The following PCNT variants were observed in gnomAD, a reference collection of about 807,000 sequenced individuals.
PCNT encodes the protein kendrin.
In PCNT, 319 loss-of-function variants were observed where a neutral mutation model predicts 380.4. The ratio of observed to expected loss-of-function variants is 0.84; its 90% CI spans 0.77 to 0.92. PCNT has a LOEUF of 0.92. PCNT is among the 40% of genes least tolerant of loss of function. The probability of loss-of-function intolerance (pLI) is 0.00; values close to 1 mark genes in which losing one functional copy is unlikely to be tolerated. For synonymous variants in PCNT, 1,845 were observed against 1,735.2 expected (o/e 1.06, Z -1.57); for missense variants, 4,400 against 4,255.3 (o/e 1.03, Z -0.95).
intron 15 of PCNT, among the ~76,000 whole-genome samples, chr21:46,376,778 C>T (rs980895987): frequency 6.6e-6 from 1 of 152,232 alleles, no homozygotes; most frequent in Non-Finnish European, 1.5e-5. Context: ...GTTGGGGTAT[C>T]AGCAAGGTAA....
At chr21:46,411,039 G>T in intron 27 of PCNT, 150 bp from the exon 28 acceptor site, 1 of 804,988 alleles carries the variant, frequency 1.2e-6, no homozygotes, top group Non-Finnish European at 2.1e-6. Context: ...GAGTGCATCC[G>T]GCACCAGCAG....
In PCNT at chr21:46,412,193, C is replaced by T. The variant is rs1160087535; in HGVS notation, c.5994+126C>T. ...GTTGTCATGGTGGCTCATGACACAG[C>T]GGAGAAAGGGGGCCTGAAGCTCGGG... On this transcript the variant is annotated intron_variant, in intron 28 of 46. Coordinates refer to ENST00000359568, the MANE Select transcript of PCNT (RefSeq NM_006031.6). The T allele has an allele frequency of 1.5e-5, 17 of 1,164,174 alleles. No individual in the cohort carries two copies. In the Admixed American group the frequency reaches 2.0e-4, roughly 14 times the overall value. The allele number at this position is 1,164,174 out of a possible 1,614,324, so 72.1% of individuals were successfully genotyped here. A position where few individuals can be genotyped will look rare whatever the true frequency, so the allele number is the denominator to read the frequency against.
At chr21:46,356,859 C>T (rs2084498756) in intron 12 of PCNT, 115 bp from the exon 13 acceptor site, 1 of 849,782 alleles carries the variant, frequency 1.2e-6, no homozygotes, top group Non-Finnish European at 2.0e-6. Context: ...GCTTGAAAAT[C>T]CACAGTGTCT....
At chr21:46,404,478 G>A (rs928006469) in intron 27 of PCNT, among the ~76,000 whole-genome samples, 2 of 152,190 alleles carry the variant, frequency 1.3e-5, no homozygotes, top group Admixed American at 6.5e-5. Context: ...GGTTTACCTC[G>A]GCGAGGTACG....
intron 27 of PCNT, among the ~76,000 whole-genome samples, chr21:46,406,819 T>C (rs913217188): frequency 3.9e-5 from 6 of 152,260 alleles, no homozygotes; most frequent in African/African-American, 1.4e-4. Context: ...GATATTTTTC[T>C]CTTTTATTCT....
In PCNT at chr21:46,335,689, G is replaced by GT. The variant is rs1039930945; in HGVS notation, c.639+937dup. Among the ~76,000 whole-genome samples the GT allele has an allele frequency of 6.8e-3, 961 of 141,834 alleles. 7 individuals are homozygous for GT. Among genetic ancestry groups the GT allele is most frequent in the Admixed American group, 7.9e-3 (111 of 14,020 alleles). The allele number at this position is 141,834 out of a possible 152,430, so 93.0% of individuals were successfully genotyped here. A position where few individuals can be genotyped will look rare whatever the true frequency, so the allele number is the denominator to read the frequency against. ...GTTTGGTTGTTTTTTGGTTTTTGGG[G>GT]TTTTTTTTTTTTTTTTAAATAGAGA... is the stretch of plus-strand genomic sequence containing the variant. On this transcript the variant is annotated intron_variant, in intron 3 of 46. Coordinates refer to ENST00000359568, the MANE Select transcript of PCNT (RefSeq NM_006031.6).
At chr21:46,345,257 G>C (rs1169510505) in intron 3 of PCNT, among the ~76,000 whole-genome samples, 1 of 152,014 alleles carries the variant, frequency 6.6e-6, no homozygotes, top group Admixed American at 6.6e-5. Flanking sequence ...TCGCTCTGTT[G>C]CCCAGGATGG....
At chr21:46,385,795 T>G (rs1222528656) in intron 16 of PCNT, 37 bp from the exon 17 acceptor site, 6 of 1,612,200 alleles carry the variant, frequency 3.7e-6, no homozygotes, top group Non-Finnish European at 5.1e-6. Context: ...TTTAACCAAA[T>G]TGTTTTAACG....
At chr21:46,347,308 A>G in intron 5 of PCNT, 149 bp from the exon 6 acceptor site, 1 of 819,468 alleles carries the variant, frequency 1.2e-6, no homozygotes, top group South Asian at 1.4e-5. Context: ...TTTGTTATTA[A>G]AGCCAAGCAT....
intron 38 of PCNT, among the ~76,000 whole-genome samples, 153 bp from the exon 39 acceptor site, chr21:46,435,751 C>T (rs1468675401): frequency 6.6e-6 from 1 of 151,920 alleles, no homozygotes; most frequent in African/African-American, 2.4e-5. Flanking sequence ...ACTGTGTTGG[C>T]CAGCATGGTC....
At position 46,391,388 on chromosome 21, in the gene PCNT, G is replaced by A. The variant is rs1278937421; in HGVS notation, c.4216+12G>A. ...GGCCAGAGAAGCTGGTAAGGAGCGC[G>A]GGCTGTGGAGGGTGGTGCGAGCTGT... is the stretch of plus-strand genomic sequence containing the variant. On this transcript the variant is annotated intron_variant, in intron 21 of 46. Coordinates refer to ENST00000359568, the MANE Select transcript of PCNT (RefSeq NM_006031.6). 4.5e-6 allele frequency: 7 copies of A among 1,542,662 alleles called. No individual in the cohort carries two copies. Among genetic ancestry groups the A allele is most frequent in the East Asian group, 4.9e-5 (2 of 40,796 alleles).
chr21:46,397,535 G>T (rs1456256267), intron 22 of PCNT, 41 bp downstream of exon 22: 1 of 1,536,152 alleles, frequency 6.5e-7, no homozygotes, highest in Middle Eastern at 1.7e-4. Flanking sequence ...ATCACTAAAA[G>T]TTGCCGTTAC....
chr21:46,411,945 C>G lies in PCNT; in HGVS notation c.5872C>G (p.His1958Asp), dbSNP rs189308172. The G allele has an allele frequency of 2.6e-4, 412 of 1,596,868 alleles. 3 individuals are homozygous for G. In the African/African-American group the frequency reaches 4.8e-3, roughly 19 times the overall value. The part of the protein sequence containing the change: ...DRRQARRATA[H>D]TRVPGAHPQP... ...GCGGCAGGCCCGCAGAGCCACAGCT[C>G]ACACACGGGTGCCCGGGGCCCACCC... The change falls in exon 28 of 47, where the codon CAC becomes GAC. Residue 1958 changes from histidine to aspartate, a missense_variant. Coordinates refer to ENST00000359568, the MANE Select transcript of PCNT (RefSeq NM_006031.6).
In PCNT at chr21:46,363,691, T is replaced by C; in HGVS notation, c.2366T>C (p.Phe789Ser). Residue 789 changes from phenylalanine to serine, a missense_variant, in exon 14 of 47, where the codon TTT becomes TCT. Phe to Ser is a radical substitution (Grantham distance 155, BLOSUM62 -2). Coordinates refer to ENST00000359568, the MANE Select transcript of PCNT (RefSeq NM_006031.6). ...GAGAAACAGACCATCATAAACAAGT[T>C]TGAGCTTCGAGAAGCTGAAATGAGG... ...ESEKQTIINK[F>S]ELREAEMRQL... The C allele has an allele frequency of 6.2e-7, 1 of 1,614,072 alleles. No individual in the cohort carries two copies.
At chr21:46,375,708 C>T (rs760660818) in intron 15 of PCNT, among the ~76,000 whole-genome samples, 7 of 152,154 alleles carry the variant, frequency 4.6e-5, no homozygotes, top group Admixed American at 6.5e-5. Context: ...GGGCACTGGC[C>T]GTCTCACTGC....
At chr21:46,421,443 C>G (rs1306700596) in intron 31 of PCNT, among the ~76,000 whole-genome samples, 1 of 143,262 alleles carries the variant, frequency 7.0e-6, no homozygotes, top group Admixed American at 6.7e-5. Context: ...TGGGATGGAC[C>G]AGGGCCCTGG....
chr21:46,416,123 CA>C lies in PCNT; in HGVS notation c.6206del (p.Gln2069ArgfsTer2). On this transcript the variant is annotated frameshift_variant, in exon 30 of 47. Transcript: ENST00000359568. LOFTEE classifies it high-confidence loss of function. ...GCTGCCGAAGGTCGATCTCGTAGCT[CA>C]GGTGAAACAGCTTCAGGAAAAACTG... ...CQLPKVDLVA[Q>X]VKQLQEKLNR... The C allele has an allele frequency of 6.2e-7, 1 of 1,614,144 alleles. No individual in the cohort carries two copies. The highest frequency in any genetic ancestry group is 8.5e-7 in the Non-Finnish European group (1 of 1,180,034).
chr21:46,364,670 C>T (rs1601847518), intron 14 of PCNT, among the ~76,000 whole-genome samples: 2 of 152,160 alleles, frequency 1.3e-5, no homozygotes, highest in Non-Finnish European at 2.9e-5. Flanking sequence ...GGGTTCTTTG[C>T]CTGTTGGTGC....
chr21:46,442,610 A>C, intron 44 of PCNT, 37 bp downstream of exon 44: 1 of 1,273,792 alleles, frequency 7.9e-7, no homozygotes, highest in Non-Finnish European at 1.1e-6. Flanking sequence ...TGGACTCACA[A>C]ACCTTTCTTT....
Sources: allele counts gnomAD v4.1 joint callset (sites outside exome capture counted in the v4.1 genomes callset), GRCh38; gene constraint gnomAD v4.1.1; transcripts MANE v1.5; gene names NCBI Gene and HGNC (gene_info 2026-07-23, HGNC 2026-07-21).